Variants in CDH2 observed in about 807,000 individuals in gnomAD.
The protein encoded by CDH2 is cadherin 2, also known as cadherin-2.
A neutral mutation model predicts 92.0 loss-of-function variants in CDH2; 17 were observed. That is an observed-to-expected ratio of 0.18 (90% confidence interval 0.13 to 0.28). The LOEUF (loss-of-function observed/expected upper bound fraction) is 0.28, where lower values mean the gene tolerates loss of function less well. Ranked by LOEUF, CDH2 falls within the 10% of genes least tolerant of loss-of-function variation. CDH2 has a pLI of 1.00. For missense variants in CDH2, 862 were observed against 1,133.1 expected (o/e 0.76, Z 3.44); for synonymous variants, 419 against 415.9 (o/e 1.01, Z -0.09).
chr18:28,072,720 A>G (rs1318192952), intron 2 of CDH2, among the ~76,000 whole-genome samples: 1 of 152,246 alleles, frequency 6.6e-6, no homozygotes, highest in Non-Finnish European at 1.5e-5. Flanking sequence ...TCCTATTCCA[A>G]TGCTTTATTT....
intron 2 of CDH2, among the ~76,000 whole-genome samples, chr18:28,018,521 A>G (rs1239657583): frequency 2.0e-5 from 3 of 152,164 alleles, no homozygotes; most frequent in Non-Finnish European, 1.5e-5. Flanking sequence ...CCAAAAAAGC[A>G]TGACTGGTAT....
chr18:28,115,828 C>T (rs2144262403), intron 2 of CDH2, among the ~76,000 whole-genome samples: 1 of 152,198 alleles, frequency 6.6e-6, no homozygotes, highest in African/African-American at 2.4e-5. Flanking sequence ...ATTTTTCAAA[C>T]AGCTATCAAG....
intron 7 of CDH2, among the ~76,000 whole-genome samples, chr18:27,998,609 A>AT (rs371294446): frequency 1.2e-3 from 181 of 152,102 alleles, no homozygotes; most frequent in Non-Finnish European, 2.1e-3. Flanking sequence ...GAGTGGAAGT[A>AT]TTTTTTGCTT....
At chr18:28,173,944 G>A (rs946740978) in intron 1 of CDH2, among the ~76,000 whole-genome samples, 2 of 151,776 alleles carry the variant, frequency 1.3e-5, no homozygotes, top group African/African-American at 2.4e-5. Flanking sequence ...GCTCAAATTC[G>A]GATTTTTTAA....
At chr18:27,946,197 T>C (rs912483794), downstream of CDH2, among the ~76,000 whole-genome samples, 3 of 152,074 alleles carry the variant, frequency 2.0e-5, no homozygotes, top group Non-Finnish European at 4.4e-5. Flanking sequence ...AAGTAAAACA[T>C]TAGTATCTGA....
At chr18:28,158,597 G>A (rs1357723902) in intron 1 of CDH2, among the ~76,000 whole-genome samples, 2 of 152,164 alleles carry the variant, frequency 1.3e-5, no homozygotes, top group Non-Finnish European at 2.9e-5. Context: ...GTGTTACCCT[G>A]AATGGCAATT....
chr18:28,158,182 A>G (rs1052293648), intron 1 of CDH2, among the ~76,000 whole-genome samples: 8 of 152,166 alleles, frequency 5.3e-5, no homozygotes, highest in African/African-American at 1.9e-4. Context: ...ACACAACCCA[A>G]TTATAGCATT....
At chr18:28,004,488 C>A (rs1282511160) in intron 6 of CDH2, among the ~76,000 whole-genome samples, 2 of 152,098 alleles carry the variant, frequency 1.3e-5, no homozygotes, top group African/African-American at 4.8e-5. Flanking sequence ...CAATAGCTGA[C>A]AGTCTTTTAT....
intron 14 of CDH2, among the ~76,000 whole-genome samples, chr18:27,970,577 T>G (rs981057112): frequency 6.6e-6 from 1 of 152,238 alleles, no homozygotes; most frequent in Non-Finnish European, 1.5e-5. Flanking sequence ...TTTGATTTTT[T>G]AAAATCCTTG....
chr18:27,997,648 TGAG>T lies in CDH2; in HGVS notation c.1021-4014_1021-4012del, dbSNP rs1285605305. Among the ~76,000 whole-genome samples, 7 of 152,112 alleles carry T rather than the reference TGAG, an allele frequency of 4.6e-5. No homozygotes were observed. The East Asian group carries it at 1.4e-3, about 29-fold the overall frequency. ...CAATTAAACGATGACCTTGGGAGACTGAGGAGAAGGTCCTGGTCACGTGAAATA... is the reference window on the plus strand; with the variant it reads ...CAATTAAACGATGACCTTGGGAGACTGAGAAGGTCCTGGTCACGTGAAATA... On this transcript the variant is annotated intron_variant, in intron 7 of 15. Transcript: ENST00000269141.
intron 2 of CDH2, among the ~76,000 whole-genome samples, chr18:28,076,147 T>C (rs2014715308): frequency 6.6e-6 from 1 of 152,202 alleles, no homozygotes; most frequent in Non-Finnish European, 1.5e-5. Context: ...AGATAAGTGA[T>C]ATGATTTGTT....
downstream of CDH2, among the ~76,000 whole-genome samples, chr18:27,949,934 T>C (rs2143846310): frequency 6.6e-6 from 1 of 152,140 alleles, no homozygotes; most frequent in African/African-American, 2.4e-5. Flanking sequence ...AAGAAAATCA[T>C]TTAAACAGTG....
At position 27,963,748 on chromosome 18, in the gene CDH2, G is replaced by A. The variant is rs2011469049; in HGVS notation, c.2350-227C>T. 1.6e-5 allele frequency: 8 copies of A among 492,554 alleles called. No individual in the cohort carries two copies. In the South Asian group the frequency reaches 1.9e-4, roughly 12 times the overall value. The allele number at this position is 492,554 out of a possible 1,614,324, so 30.5% of individuals were successfully genotyped here. A position where few individuals can be genotyped will look rare whatever the true frequency, so the allele number is the denominator to read the frequency against. Reference sequence around the variant, plus strand: ...GTCTGTGCTCCATCTGCTTTACAATGTTCCTCATCAGTTTCCAATGAAAAA... The same window carrying A: ...GTCTGTGCTCCATCTGCTTTACAATATTCCTCATCAGTTTCCAATGAAAAA... On this transcript the variant is annotated intron_variant, in intron 14 of 15. Transcript: ENST00000269141.
intron 2 of CDH2, 65 bp downstream of exon 2, chr18:28,147,608 T>C (rs1463357461): frequency 3.0e-6 from 3 of 1,014,162 alleles, no homozygotes; most frequent in African/African-American, 3.2e-5. Context: ...TTAGGCTTTT[T>C]TAATGGCTAA....
rs1340607416 is a variant in CDH2 at position 27,951,061 on chromosome 18, A to G, written c.*1092T>C. On this transcript the variant is annotated 3_prime_UTR_variant, in exon 16 of 16. Coordinates refer to ENST00000269141, the MANE Select transcript of CDH2 (RefSeq NM_001792.5). ...ATACAGAGGCAAAGCTGTTGTCAGA[A>G]GTCTCTCCAGTTTAAAAGCTTTTTT... The G allele has an allele frequency of 1.3e-5, 2 of 152,212 alleles. No individual in the cohort carries two copies. Among genetic ancestry groups the G allele is most frequent in the Admixed American group, 6.6e-5 (1 of 15,198 alleles). The allele number at this position is 152,212 out of a possible 1,614,324, so 9.4% of individuals were successfully genotyped here.
intron 15 of CDH2, among the ~76,000 whole-genome samples, chr18:27,954,247 C>T (rs937338492): frequency 4.6e-5 from 7 of 152,170 alleles, no homozygotes; most frequent in Non-Finnish European, 7.4e-5. Flanking sequence ...CCACAACCTA[C>T]AATTTCTCAA....
intron 9 of CDH2, among the ~76,000 whole-genome samples, 197 bp downstream of exon 9, chr18:27,992,458 A>T (rs1337453307): frequency 1.3e-5 from 2 of 152,214 alleles, no homozygotes; most frequent in African/African-American, 2.4e-5. Flanking sequence ...TGATGATGTG[A>T]GAGTACTGAT....
At chr18:28,060,180 T>TATC (rs1050452390) in intron 2 of CDH2, among the ~76,000 whole-genome samples, 2 of 147,254 alleles carry the variant, frequency 1.4e-5, no homozygotes, top group Non-Finnish European at 3.0e-5. Context: ...CTCCTTTACT[T>TATC]ATCATCATCA....
At chr18:28,030,965 T>C (rs2013679803) in intron 2 of CDH2, among the ~76,000 whole-genome samples, 1 of 151,866 alleles carries the variant, frequency 6.6e-6, no homozygotes, top group South Asian at 2.1e-4. Context: ...GCTCATGACC[T>C]TCCCTGATCC....
Sources: gnomAD v4.1 joint callset for allele counts (sites outside exome capture counted in the v4.1 genomes callset) on GRCh38, gnomAD v4.1.1 for gene constraint, MANE v1.5 for transcripts, NCBI Gene and HGNC (gene_info 2026-07-23, HGNC 2026-07-21) for gene names.